The following PTPRD variants were observed in gnomAD, a reference collection of about 807,000 sequenced individuals.
The protein encoded by PTPRD is protein tyrosine phosphatase receptor type D.
In PTPRD, 34 loss-of-function variants were observed where a neutral mutation model predicts 214.5. That is an observed-to-expected ratio of 0.16 (90% confidence interval 0.12 to 0.21). The LOEUF (loss-of-function observed/expected upper bound fraction) is 0.21. Among genes scored for constraint, PTPRD ranks in the 10% least tolerant of loss-of-function variants. The pLI is 1.00. For missense variants in PTPRD, 2,545 were observed against 2,398.7 expected (o/e 1.06, Z -1.27); for synonymous variants, 1,128 against 845.7 (o/e 1.33, Z -5.79).
chr9:8,623,862 C>T (rs530786441), intron 14 of PTPRD, among the ~76,000 whole-genome samples: 8 of 152,024 alleles, frequency 5.3e-5, no homozygotes, highest in African/African-American at 1.9e-4. Flanking sequence ...TCACTTCCTA[C>T]ACCAAGGTTG....
At chr9:10,036,506 GCACACACACA>G (rs59938783) in intron 3 of PTPRD, among the ~76,000 whole-genome samples, 15 of 142,096 alleles carry the variant, frequency 1.1e-4, no homozygotes, top group Non-Finnish European at 2.0e-4. Flanking sequence ...ACACACTCAT[GCACACACACA>G]CACACACACA....
At chr9:8,437,288 C>CAAAA (rs201564000) in intron 34 of PTPRD, 100,599 of 1,292,326 alleles carry the variant, frequency 0.078, 2,570 homozygotes, top group East Asian at 0.21. Context: ...ACAAATTCTT[C>CAAAA]AAAAAAAAAT....
At chr9:10,156,498 A>G (rs2099094312) in intron 3 of PTPRD, among the ~76,000 whole-genome samples, 2 of 152,216 alleles carry the variant, frequency 1.3e-5, no homozygotes, top group Admixed American at 6.5e-5. Flanking sequence ...CTGTGGTCCA[A>G]GAGAGTTGTT....
At chr9:9,064,816 A>G (rs556365049) in intron 10 of PTPRD, among the ~76,000 whole-genome samples, 24 of 152,224 alleles carry the variant, frequency 1.6e-4, no homozygotes, top group Non-Finnish European at 2.6e-4. Context: ...AGCGACTTCA[A>G]TATAGGATTT....
At chr9:9,983,482 G>T (rs1399886535) in intron 4 of PTPRD, among the ~76,000 whole-genome samples, 1 of 152,182 alleles carries the variant, frequency 6.6e-6, no homozygotes, top group Non-Finnish European at 1.5e-5. Flanking sequence ...ATTTTGTAAA[G>T]TCCTTTATTA....
chr9:9,376,414 C>T (rs1453151478), intron 9 of PTPRD, among the ~76,000 whole-genome samples: 1 of 152,054 alleles, frequency 6.6e-6, no homozygotes, highest in Non-Finnish European at 1.5e-5. Flanking sequence ...TCAAATTATC[C>T]TTTAAATTAC....
At chr9:8,840,549 A>G (rs976143293) in intron 11 of PTPRD, among the ~76,000 whole-genome samples, 3 of 152,108 alleles carry the variant, frequency 2.0e-5, no homozygotes, top group African/African-American at 7.2e-5. Context: ...TTTTCTTTCA[A>G]ATGACCCCAT....
intron 8 of PTPRD, among the ~76,000 whole-genome samples, chr9:9,559,762 A>G (rs828837): frequency 0.36 from 55,019 of 152,052 alleles, 10,281 homozygotes; most frequent in African/African-American, 0.43. Context: ...CAAGTGGTCC[A>G]GCAAGTCTGT....
chr9:10,325,790 A>C (rs973397771), intron 3 of PTPRD, among the ~76,000 whole-genome samples: 1 of 151,920 alleles, frequency 6.6e-6, no homozygotes, highest in African/African-American at 2.4e-5. Flanking sequence ...TAATGACTAA[A>C]GGAAGAATTT....
intron 9 of PTPRD, among the ~76,000 whole-genome samples, chr9:9,186,631 CCTCTCT>C (rs141616035): frequency 0.32 from 45,713 of 140,666 alleles, 8,066 homozygotes; most frequent in Non-Finnish European, 0.41. Context: ...TCTGTCTCTC[CCTCTCT>C]CTCTCTCTCT....
At chr9:8,787,288 T>C (rs16928453) in intron 11 of PTPRD, among the ~76,000 whole-genome samples, 8,760 of 152,286 alleles carry the variant, frequency 0.058, 547 homozygotes, top group African/African-American at 0.16. Flanking sequence ...TTACTCAGCT[T>C]CTAGTTACTC....
At chr9:8,348,079 T>C (rs1462853717) in intron 39 of PTPRD, among the ~76,000 whole-genome samples, 2 of 152,114 alleles carry the variant, frequency 1.3e-5, no homozygotes, top group African/African-American at 2.4e-5. Context: ...ACATAGCACA[T>C]TTGAATAACT....
chr9:9,073,530 T>C (rs899485639), intron 10 of PTPRD, among the ~76,000 whole-genome samples: 4 of 152,256 alleles, frequency 2.6e-5, no homozygotes, highest in African/African-American at 9.6e-5. Flanking sequence ...CTCCATAATA[T>C]GAATGGGTCT....
chr9:8,854,336 T>A (rs2097873860), intron 11 of PTPRD, among the ~76,000 whole-genome samples: 1 of 152,158 alleles, frequency 6.6e-6, no homozygotes, highest in Admixed American at 6.5e-5. Context: ...AAAGGTAAAC[T>A]AAGGAAGGAT....
intron 2 of PTPRD, among the ~76,000 whole-genome samples, chr9:10,437,601 A>C (rs1425375559): frequency 6.6e-6 from 1 of 151,700 alleles, no homozygotes; most frequent in Non-Finnish European, 1.5e-5. Context: ...TATTTCACTG[A>C]ATATTGTCAA....
chr9:9,919,407 G>C (rs541121621), intron 5 of PTPRD, among the ~76,000 whole-genome samples: 1 of 152,106 alleles, frequency 6.6e-6, no homozygotes, highest in Non-Finnish European at 1.5e-5. Flanking sequence ...TTCAACTCAT[G>C]TGCCATTTTT....
intron 36 of PTPRD, 21 bp from the exon 37 acceptor site, chr9:8,389,428 T>C: frequency 6.3e-7 from 1 of 1,593,644 alleles, no homozygotes; most frequent in South Asian, 1.1e-5. Flanking sequence ...AGGAGTGTTA[T>C]TCAACCAGGT....
chr9:8,464,606 G>A (rs558993638), intron 32 of PTPRD, among the ~76,000 whole-genome samples: 18 of 151,818 alleles, frequency 1.2e-4, no homozygotes, highest in African/African-American at 4.3e-4. Flanking sequence ...TGCCACACCT[G>A]TCATATTTAG....
intron 44 of PTPRD, among the ~76,000 whole-genome samples, chr9:8,323,244 G>T (rs1418524255): frequency 6.6e-6 from 1 of 152,270 alleles, no homozygotes; most frequent in South Asian, 2.1e-4. Context: ...TTACCCAAGA[G>T]CTCTGGTGGA....
Sources: gnomAD v4.1 joint callset for allele counts (sites outside exome capture counted in the v4.1 genomes callset) on GRCh38, gnomAD v4.1.1 for gene constraint, MANE v1.5 for transcripts, NCBI Gene and HGNC (gene_info 2026-07-23, HGNC 2026-07-21) for gene names.